The following NRG3 variants were observed in gnomAD, a reference collection of about 807,000 sequenced individuals.
The protein encoded by NRG3 is pro-neuregulin-3, membrane-bound isoform.
In NRG3, 31 loss-of-function variants were observed where a neutral mutation model predicts 66.9. The observed-to-expected ratio is 0.46, with a 90% CI of 0.35 to 0.63. The LOEUF (loss-of-function observed/expected upper bound fraction) is 0.63. NRG3 is among the 20% of genes least tolerant of loss of function. NRG3 has a pLI of 0.00. For synonymous variants in NRG3, 393 were observed against 359.4 expected (o/e 1.09, Z -1.06); for missense variants, 910 against 878.9 (o/e 1.04, Z -0.45).
At chr10:82,521,630 T>C (rs1288699353) in intron 2 of NRG3, among the ~76,000 whole-genome samples, 7 of 152,032 alleles carry the variant, frequency 4.6e-5, no homozygotes, top group African/African-American at 7.2e-5. Flanking sequence ...ATGGCCACCG[T>C]GCCCGGCCAG....
At chr10:82,472,898 T>A (rs1841409084) in intron 2 of NRG3, among the ~76,000 whole-genome samples, 1 of 152,214 alleles carries the variant, frequency 6.6e-6, no homozygotes, top group African/African-American at 2.4e-5. Flanking sequence ...ATAGGCACAA[T>A]GCTGCCTTTT....
intron 2 of NRG3, among the ~76,000 whole-genome samples, chr10:82,595,266 T>C (rs1034511571): frequency 1.3e-5 from 2 of 152,218 alleles, no homozygotes; most frequent in Non-Finnish European, 2.9e-5. Flanking sequence ...GAGGGATTGA[T>C]GCTTTCAGAG....
chr10:82,459,545 A>G (rs1025324440), intron 2 of NRG3, among the ~76,000 whole-genome samples: 10 of 152,204 alleles, frequency 6.6e-5, no homozygotes, highest in African/African-American at 2.4e-4. Context: ...CTAGAAACAT[A>G]TCTTCTCTCC....
At position 82,565,883 on chromosome 10, in the gene NRG3, C is replaced by G. The variant is rs377128607; in HGVS notation, c.954-172694C>G. ...AACACAGAAAAATGAAAACAAAACACGCAGGCTTCTAATGAGAAGTCGCAT... is the reference window on the plus strand; with the variant it reads ...AACACAGAAAAATGAAAACAAAACAGGCAGGCTTCTAATGAGAAGTCGCAT... On this transcript the variant is annotated intron_variant, in intron 2 of 8. Transcript: ENST00000372141. Among the ~76,000 whole-genome samples the G allele has an allele frequency of 2.0e-5, 3 of 152,006 alleles. No homozygotes were observed. In the East Asian group the frequency reaches 5.8e-4, roughly 29 times the overall value.
At chr10:82,290,363 A>G (rs192692126) in intron 1 of NRG3, among the ~76,000 whole-genome samples, 42 of 152,252 alleles carry the variant, frequency 2.8e-4, no homozygotes, top group African/African-American at 9.9e-4. Context: ...CACATTTTGT[A>G]TGTTTTAGTA....
Position 81,974,167 on chromosome 10 carries a change from C to T in NRG3, c.823+98004C>T, listed in dbSNP as rs573115684. 7.9e-5 allele frequency among the ~76,000 whole-genome samples: 12 copies of T among 152,232 alleles called. No individual in the cohort carries two copies. The South Asian group carries it at 2.3e-3, about 29-fold the overall frequency. On this transcript the variant is annotated intron_variant, in intron 1 of 8. Coordinates refer to ENST00000372141, the MANE Select transcript of NRG3 (RefSeq NM_001010848.4). The stretch of plus-strand genomic sequence containing the variant: ...CAGCACCATTTATTGAATAAGGTGT[C>T]CTTTCCCCATTGCTTGTTTTTGTCA...
At chr10:81,938,953 C>T (rs538829920) in intron 1 of NRG3, among the ~76,000 whole-genome samples, 8 of 151,798 alleles carry the variant, frequency 5.3e-5, no homozygotes, top group Non-Finnish European at 1.0e-4. Context: ...GTTTGTTGAG[C>T]GTTTTTATCA....
chr10:82,016,656 CT>C (rs1479091226), intron 1 of NRG3, among the ~76,000 whole-genome samples: 1 of 151,958 alleles, frequency 6.6e-6, no homozygotes, highest in Admixed American at 6.6e-5. Context: ...GGGAGAGAAA[CT>C]GAAAAAATAT....
intron 2 of NRG3, among the ~76,000 whole-genome samples, chr10:82,695,937 C>T (rs962140225): frequency 6.6e-6 from 1 of 152,094 alleles, no homozygotes; most frequent in African/African-American, 2.4e-5. Context: ...GAGTCAGCAC[C>T]TCCATCTGTG....
intron 2 of NRG3, among the ~76,000 whole-genome samples, chr10:82,707,012 A>AAAAT (rs199880332): frequency 2.1e-3 from 227 of 106,002 alleles, no homozygotes; most frequent in Middle Eastern, 8.3e-3. Flanking sequence ...AAAATAAAAT[A>AAAAT]AAATAAATAT....
At chr10:82,038,484 A>T (rs2062891227) in intron 1 of NRG3, among the ~76,000 whole-genome samples, 1 of 152,132 alleles carries the variant, frequency 6.6e-6, no homozygotes, top group South Asian at 2.1e-4. Flanking sequence ...AAAAGGGGCA[A>T]TGCTCATAAG....
chr10:82,639,830 T>C (rs961973665), intron 2 of NRG3, among the ~76,000 whole-genome samples: 1 of 152,158 alleles, frequency 6.6e-6, no homozygotes, highest in Admixed American at 6.6e-5. Context: ...ATAGGTAAAC[T>C]TGTGTCATGG....
intron 1 of NRG3, among the ~76,000 whole-genome samples, chr10:82,170,097 A>T (rs963979371): frequency 6.6e-6 from 1 of 151,932 alleles, no homozygotes; most frequent in Non-Finnish European, 1.5e-5. Flanking sequence ...GCATTAACAA[A>T]TGTTAGTTTC....
chr10:82,684,711 A>C (rs529116367), intron 2 of NRG3, among the ~76,000 whole-genome samples: 1 of 152,304 alleles, frequency 6.6e-6, no homozygotes, highest in East Asian at 1.9e-4. Context: ...GGTCTCGATA[A>C]AAGTTCCAGA....
chr10:82,816,269 G>A (rs1186027293), intron 3 of NRG3, among the ~76,000 whole-genome samples: 2 of 152,216 alleles, frequency 1.3e-5, no homozygotes, highest in Non-Finnish European at 2.9e-5. Flanking sequence ...CATCCAGGAC[G>A]AATGAGGTAT....
intron 2 of NRG3, among the ~76,000 whole-genome samples, chr10:82,555,130 T>A: frequency 6.6e-6 from 1 of 152,212 alleles, no homozygotes; most frequent in East Asian, 1.9e-4. Flanking sequence ...TCTAATCTGT[T>A]GCTACCACTA....
intron 1 of NRG3, among the ~76,000 whole-genome samples, chr10:81,957,451 C>T (rs1849950791): frequency 6.6e-6 from 1 of 151,942 alleles, no homozygotes; most frequent in Non-Finnish European, 1.5e-5. Context: ...TCAGTGCTCC[C>T]ACCCCCACAC....
intron 1 of NRG3, among the ~76,000 whole-genome samples, chr10:81,958,793 G>A (rs889174054): frequency 6.6e-6 from 1 of 152,076 alleles, no homozygotes. Context: ...GGAGGCTGAG[G>A]CAGGAGAAGC....
intron 2 of NRG3, among the ~76,000 whole-genome samples, chr10:82,593,718 G>A (rs1277097542): frequency 6.6e-6 from 1 of 151,894 alleles, no homozygotes; most frequent in Non-Finnish European, 1.5e-5. Context: ...CTACTTTTAA[G>A]AAATACCTTC....
Sources: allele counts gnomAD v4.1 joint callset (sites outside exome capture counted in the v4.1 genomes callset), GRCh38; gene constraint gnomAD v4.1.1; transcripts MANE v1.5; gene names NCBI Gene and HGNC (gene_info 2026-07-23, HGNC 2026-07-21).